AK5: variants seen among roughly 807,000 people sequenced by gnomAD.
AK5 encodes adenylate kinase isoenzyme 5.
Under a neutral mutation model 69.5 loss-of-function variants are expected in AK5, and 27 were observed. The ratio of observed to expected loss-of-function variants is 0.39; its 90% CI spans 0.29 to 0.54. The LOEUF (loss-of-function observed/expected upper bound fraction) is 0.54. Ranked by LOEUF, AK5 falls within the 20% of genes least tolerant of loss-of-function variation. The probability of loss-of-function intolerance (pLI) is 0.71; values close to 1 mark genes in which losing one functional copy is unlikely to be tolerated. For missense variants in AK5, 531 were observed against 700.4 expected (o/e 0.76, Z 2.73); for synonymous variants, 260 against 244.4 (o/e 1.06, Z -0.60).
chr1:77,296,916 C>CT, intron 3 of AK5, among the ~76,000 whole-genome samples: 1 of 152,176 alleles, frequency 6.6e-6, no homozygotes, highest in East Asian at 1.9e-4. Context: ...AGTGTGTGTT[C>CT]TTGGCATCTT....
chr1:77,282,941 T>C, intron 1 of AK5: 1 of 985,890 alleles, frequency 1.0e-6, no homozygotes, highest in Non-Finnish European at 1.2e-6. Context: ...CCAGCCTTGC[T>C]CTGCGCTTTC....
chr1:77,356,425 C>G (rs1662530453), intron 6 of AK5, among the ~76,000 whole-genome samples: 1 of 152,180 alleles, frequency 6.6e-6, no homozygotes, highest in Non-Finnish European at 1.5e-5. Flanking sequence ...GTGAAAGCAA[C>G]TCTTGTCTAT....
chr1:77,284,872 A>G (rs550364768), intron 1 of AK5, among the ~76,000 whole-genome samples: 1 of 152,286 alleles, frequency 6.6e-6, no homozygotes, highest in Admixed American at 6.5e-5. Context: ...GTGAACCAGT[A>G]TTGTTTAAGG....
intron 5 of AK5, among the ~76,000 whole-genome samples, chr1:77,299,358 A>G (rs1232388586): frequency 6.7e-6 from 1 of 149,810 alleles, no homozygotes; most frequent in Non-Finnish European, 1.5e-5. Flanking sequence ...CATTTAACAT[A>G]TTACAGATAT....
At chr1:77,382,768 A>G (rs1647739911) in intron 6 of AK5, among the ~76,000 whole-genome samples, 1 of 152,242 alleles carries the variant, frequency 6.6e-6, no homozygotes. Context: ...AAGAGTTAAC[A>G]TGGATACTAA....
chr1:77,301,927 A>G (rs1050869138), intron 5 of AK5, among the ~76,000 whole-genome samples: 1 of 149,886 alleles, frequency 6.7e-6, no homozygotes, highest in Non-Finnish European at 1.5e-5. Flanking sequence ...GAAGTAGTAT[A>G]TTGGAGACTA....
chr1:77,417,981 T>C, intron 8 of AK5: 1 of 321,916 alleles, frequency 3.1e-6, no homozygotes, highest in Non-Finnish European at 5.8e-6. Flanking sequence ...AATGAGGTTC[T>C]CTTGCCCAAG....
At chr1:77,305,268 CCCA>C (rs1659574633) in intron 5 of AK5, among the ~76,000 whole-genome samples, 1 of 151,744 alleles carries the variant, frequency 6.6e-6, no homozygotes, top group Non-Finnish European at 1.5e-5. Flanking sequence ...TTTTTTGCAA[CCCA>C]CCATTCTGTG....
intron 5 of AK5, among the ~76,000 whole-genome samples, chr1:77,322,071 T>C (rs1297839040): frequency 6.6e-6 from 1 of 152,198 alleles, no homozygotes; most frequent in Non-Finnish European, 1.5e-5. Flanking sequence ...TCCTAAAATA[T>C]TGACTGAGAA....
intron 5 of AK5, among the ~76,000 whole-genome samples, chr1:77,335,384 GTT>G (rs11310843): frequency 0.06 from 8,020 of 134,258 alleles, 246 homozygotes; most frequent in South Asian, 0.1. Flanking sequence ...AGTTTTTTGG[GTT>G]TTTTTTTTTT....
At chr1:77,546,914 A>G (rs547301727) in intron 13 of AK5, among the ~76,000 whole-genome samples, 22 of 152,344 alleles carry the variant, frequency 1.4e-4, no homozygotes, top group African/African-American at 5.1e-4. Context: ...AGCCAGATGA[A>G]GGAGAAGGAA....
At chr1:77,288,643 A>C (rs1036035204) in intron 2 of AK5, among the ~76,000 whole-genome samples, 4 of 152,186 alleles carry the variant, frequency 2.6e-5, no homozygotes, top group Non-Finnish European at 5.9e-5. Context: ...TTCACCATTC[A>C]TGCAGAAGTC....
In AK5 at chr1:77,296,501, A is replaced by T. The variant is rs59535617; in HGVS notation, c.416-1058A>T. 8.2e-3 allele frequency among the ~76,000 whole-genome samples: 1,028 copies of T among 125,370 alleles called. 9 individuals are homozygous for T. The highest frequency in any genetic ancestry group is 0.03 in the African/African-American group (934 of 31,148). 82.2% of individuals were successfully genotyped at this position (125,370 alleles called of 152,430 possible). Reference sequence around the variant, plus strand: ...CTATTGCCTCCATTAGTTGACAAAAAATTTTTTTTCTTGAAAGTACAATAA... The same window carrying T: ...CTATTGCCTCCATTAGTTGACAAAATATTTTTTTTCTTGAAAGTACAATAA... On this transcript the variant is annotated intron_variant, in intron 3 of 13. Coordinates refer to ENST00000354567, the MANE Select transcript of AK5 (RefSeq NM_174858.3).
chr1:77,288,796 A>G (rs991473565), intron 2 of AK5, among the ~76,000 whole-genome samples: 4 of 152,218 alleles, frequency 2.6e-5, no homozygotes, highest in Admixed American at 6.5e-5. Context: ...TGATGTGACT[A>G]TAAGGTAATA....
Position 77,417,651 on chromosome 1 carries a change from T to C in AK5, c.995T>C (p.Leu332Pro). 2.5e-6 allele frequency: 4 copies of C among 1,607,670 alleles called. No homozygotes were observed. Among genetic ancestry groups the C allele is most frequent in the Non-Finnish European group, 3.4e-6 (4 of 1,174,958 alleles). ...NKEAAAGSSD[L>P]DPSMILDTGE... ...TTCCTAATCTTAGGTTCAAGTGACC[T>C]TGATCCTTCGATGATATTGGACACT... Residue 332 changes from leucine to proline, a missense_variant, in exon 8 of 14, where the codon CTT (leucine) becomes CCT (proline). Coordinates refer to ENST00000354567, the MANE Select transcript of AK5 (RefSeq NM_174858.3).
chr1:77,462,329 A>T (rs1017135692), intron 8 of AK5, among the ~76,000 whole-genome samples: 2 of 152,032 alleles, frequency 1.3e-5, no homozygotes, highest in African/African-American at 4.8e-5. Flanking sequence ...GGATGGATGG[A>T]TGGATGGATG....
intron 8 of AK5, among the ~76,000 whole-genome samples, chr1:77,444,219 T>C (rs1347408385): frequency 9.9e-5 from 11 of 110,918 alleles, no homozygotes; most frequent in African/African-American, 3.4e-4. Flanking sequence ...ATATACCACT[T>C]ATGTATATAT....
At chr1:77,487,485 T>C (rs1655676793) in intron 10 of AK5, among the ~76,000 whole-genome samples, 1 of 152,216 alleles carries the variant, frequency 6.6e-6, no homozygotes, top group Non-Finnish European at 1.5e-5. Flanking sequence ...CCAGAAAATG[T>C]CTATTTATAT....
intron 8 of AK5, among the ~76,000 whole-genome samples, chr1:77,452,341 G>C (rs2100659336): frequency 6.6e-6 from 1 of 152,182 alleles, no homozygotes; most frequent in South Asian, 2.1e-4. Flanking sequence ...GAATTATGAA[G>C]AAAAAAGGAT....
Sources: allele counts gnomAD v4.1 joint callset (sites outside exome capture counted in the v4.1 genomes callset), GRCh38; gene constraint gnomAD v4.1.1; transcripts MANE v1.5; gene names NCBI Gene and HGNC (gene_info 2026-07-23, HGNC 2026-07-21).